Variants in SPPL3 observed in about 807,000 individuals in gnomAD.
SPPL3 encodes the protein signal peptide peptidase-like 3.
In SPPL3, 5 loss-of-function variants were observed where a neutral mutation model predicts 42.4. The ratio of observed to expected loss-of-function variants is 0.12; its 90% CI spans 0.06 to 0.25. The LOEUF is 0.25. Among genes scored for constraint, SPPL3 ranks in the 10% least tolerant of loss-of-function variants. The probability of loss-of-function intolerance (pLI) is 1.00; values close to 1 mark genes in which losing one functional copy is unlikely to be tolerated. For missense variants in SPPL3, 235 were observed against 489.0 expected (o/e 0.48, Z 4.90); for synonymous variants, 195 against 181.8 (o/e 1.07, Z -0.58).
intron 1 of SPPL3, among the ~76,000 whole-genome samples, chr12:120,813,468 C>A (rs3844037): frequency 6.6e-6 from 1 of 151,432 alleles, no homozygotes; most frequent in South Asian, 2.1e-4. Flanking sequence ...CAGGCGCCCC[C>A]CCACCACGCC....
intron 1 of SPPL3, among the ~76,000 whole-genome samples, chr12:120,846,625 A>G (rs1228158933): frequency 1.3e-5 from 2 of 152,216 alleles, no homozygotes; most frequent in Non-Finnish European, 2.9e-5. Flanking sequence ...AAGTCTCAAA[A>G]TTGGAGTTTT....
intron 6 of SPPL3, 66 bp from the exon 7 acceptor site, chr12:120,769,125 A>G: frequency 7.8e-7 from 1 of 1,274,000 alleles, no homozygotes; most frequent in Non-Finnish European, 1.1e-6. Flanking sequence ...CTCTTTCCAC[A>G]AGCTATGGCC....
At chr12:120,890,487 G>A (rs1873599995) in intron 1 of SPPL3, among the ~76,000 whole-genome samples, 1 of 151,142 alleles carries the variant, frequency 6.6e-6, no homozygotes, top group African/African-American at 2.4e-5. Flanking sequence ...TACTCGGGAG[G>A]CTGAGGCAGG....
intron 1 of SPPL3, among the ~76,000 whole-genome samples, chr12:120,871,665 A>G (rs959763526): frequency 6.6e-6 from 1 of 152,116 alleles, no homozygotes; most frequent in Non-Finnish European, 1.5e-5. Flanking sequence ...AGGCAGGAGA[A>G]TCACTTGAAC....
chr12:120,844,081 T>C (rs1871933765), intron 1 of SPPL3, among the ~76,000 whole-genome samples: 1 of 152,242 alleles, frequency 6.6e-6, no homozygotes, highest in African/African-American at 2.4e-5. Flanking sequence ...ATATATTTGA[T>C]TGCAAATTTG....
At chr12:120,847,324 ACT>A (rs1369417656) in intron 1 of SPPL3, among the ~76,000 whole-genome samples, 1 of 152,018 alleles carries the variant, frequency 6.6e-6, no homozygotes, top group Non-Finnish European at 1.5e-5. Context: ...ACAGGGTCTC[ACT>A]CTGTCACCCA....
At chr12:120,784,058 A>C (rs1869631764) in intron 4 of SPPL3, 1 of 282,808 alleles carries the variant, frequency 3.5e-6, no homozygotes, top group Non-Finnish European at 6.7e-6. Context: ...TAGCTTGAAA[A>C]CACATCAAAG....
At chr12:120,775,944 A>T (rs749627749) in intron 6 of SPPL3, among the ~76,000 whole-genome samples, 79 of 152,346 alleles carry the variant, frequency 5.2e-4, no homozygotes, top group Middle Eastern at 3.4e-3. Flanking sequence ...TTACAAGATG[A>T]TTTCAGATTC....
chr12:120,871,456 T>C (rs1872929631), intron 1 of SPPL3, among the ~76,000 whole-genome samples: 1 of 152,016 alleles, frequency 6.6e-6, no homozygotes, highest in Non-Finnish European at 1.5e-5. Context: ...TATGCTAAAG[T>C]CCTTTATATA....
rs538487405 is a variant in SPPL3, at chr12:120,793,870, G to T, written c.102-2313C>A. On this transcript the variant is annotated intron_variant, in intron 2 of 10. Coordinates refer to ENST00000353487, the MANE Select transcript of SPPL3 (RefSeq NM_139015.5). Reference sequence around the variant, plus strand: ...ATTCCACATACACTTGAGAAAGAGCGTGTGTTCTGTTGTTGGATGGAACAT... The same window carrying T: ...ATTCCACATACACTTGAGAAAGAGCTTGTGTTCTGTTGTTGGATGGAACAT... Among the ~76,000 whole-genome samples the T allele has an allele frequency of 1.1e-3, 161 of 152,312 alleles. 1 individual carries two copies. The highest frequency in any genetic ancestry group is 3.6e-3 in the African/African-American group (148 of 41,570).
At chr12:120,903,732 G>GCCCCCCCCCCCCCC in intron 1 of SPPL3, 113 bp downstream of exon 1, 9 of 385,008 alleles carry the variant, frequency 2.3e-5, no homozygotes, top group East Asian at 6.3e-5. Context: ...CCCAACCCGC[G>GCCCCCCCCCCCCCC]CCCCCCCCCC....
chr12:120,797,294 T>C (rs1402038235), intron 2 of SPPL3, among the ~76,000 whole-genome samples: 1 of 152,122 alleles, frequency 6.6e-6, no homozygotes, highest in Non-Finnish European at 1.5e-5. Flanking sequence ...TAACTCTAGC[T>C]GCCTCTAGCC....
At chr12:120,794,830 G>T (rs1307686873) in intron 2 of SPPL3, among the ~76,000 whole-genome samples, 9 of 152,078 alleles carry the variant, frequency 5.9e-5, no homozygotes, top group Non-Finnish European at 1.5e-5. Flanking sequence ...ACTTTGTTTG[G>T]ATTAATATAG....
Position 120,884,032 on chromosome 12 carries a change from C to G in SPPL3, c.23+19813G>C, listed in dbSNP as rs563203616. Among the ~76,000 whole-genome samples, 236 of 147,342 alleles carry G rather than the reference C, an allele frequency of 1.6e-3. 1 individual carries two copies. The highest frequency in any genetic ancestry group is 5.8e-3 in the African/African-American group (229 of 39,720). ...AGGCGAATCGCTTGAACCCAGGAGG[C>G]GGAGGTTGTGGTGAGCTGAGATCAC... is the stretch of plus-strand genomic sequence containing the variant. On this transcript the variant is annotated intron_variant, in intron 1 of 10. Transcript: ENST00000353487.
chr12:120,782,674 G>C lies in SPPL3; in HGVS notation c.483C>G (p.Gly161=). Residue 161 remains glycine (G), a synonymous_variant, in exon 6 of 11, where the codon GGC becomes GGG. Transcript: ENST00000353487. ...VMLVLIWVLT[G]HWLLMDALAM... The stretch of plus-strand genomic sequence containing the variant: ...ACTCACCATCCATGAGAAGCCAATG[G>C]CCAGTGAGAACCCAGATGAGGACGA... 6.2e-7 allele frequency: 1 copy of C among 1,610,964 alleles called. No individual in the cohort carries two copies. Among genetic ancestry groups the C allele is most frequent in the Non-Finnish European group, 8.5e-7 (1 of 1,178,212 alleles).
intron 1 of SPPL3, among the ~76,000 whole-genome samples, chr12:120,855,153 G>A (rs910400362): frequency 2.6e-5 from 4 of 152,058 alleles, no homozygotes; most frequent in African/African-American, 4.8e-5. Context: ...CAAGAATGAC[G>A]AGAGAAGGGG....
chr12:120,765,545 G>A (rs567691300), intron 10 of SPPL3, among the ~76,000 whole-genome samples: 14 of 152,268 alleles, frequency 9.2e-5, no homozygotes, highest in Admixed American at 3.9e-4. Context: ...CCCAAGGTGC[G>A]GGGGTTACAG....
intron 2 of SPPL3, among the ~76,000 whole-genome samples, chr12:120,805,189 C>T (rs1870446588): frequency 6.6e-6 from 1 of 152,104 alleles, no homozygotes; most frequent in African/African-American, 2.4e-5. Flanking sequence ...AACTAAAACC[C>T]ACTGAATTGT....
intron 1 of SPPL3, among the ~76,000 whole-genome samples, chr12:120,825,578 G>A (rs1871209889): frequency 6.6e-6 from 1 of 152,194 alleles, no homozygotes; most frequent in South Asian, 2.1e-4. Flanking sequence ...CGGAAGAATG[G>A]AATTCCAGAG....
Sources: allele counts gnomAD v4.1 joint callset (sites outside exome capture counted in the v4.1 genomes callset), GRCh38; gene constraint gnomAD v4.1.1; transcripts MANE v1.5; gene names NCBI Gene and HGNC (gene_info 2026-07-23, HGNC 2026-07-21).